The following NALF1 variants were observed in gnomAD, a reference collection of about 807,000 sequenced individuals.
The protein encoded by NALF1 is family with sequence similarity 155 member A.
NALF1 carries 3 observed loss-of-function variants against 48.4 expected under a neutral mutation model. The ratio of observed to expected loss-of-function variants is 0.06; its 90% CI spans 0.03 to 0.16. The LOEUF is 0.16. Ranked by LOEUF, NALF1 falls within the 10% of genes least tolerant of loss-of-function variation. NALF1 has a pLI of 1.00. For synonymous variants in NALF1, 262 were observed against 245.7 expected, an observed-to-expected ratio of 1.07 and a Z score of -0.62; for missense variants, 526 against 571.5, an observed-to-expected ratio of 0.92 and a Z score of 0.81.
intron 1 of NALF1, among the ~76,000 whole-genome samples, chr13:107,848,999 C>T (rs1307291582): frequency 1.3e-5 from 2 of 152,218 alleles, no homozygotes; most frequent in Non-Finnish European, 2.9e-5. Context: ...ACACTGTCCA[C>T]TTATCTATTG....
chr13:107,602,726 C>CT (rs1386087008), intron 1 of NALF1, among the ~76,000 whole-genome samples: 1 of 152,180 alleles, frequency 6.6e-6, no homozygotes, highest in East Asian at 1.9e-4. Context: ...TCCTTCGCGT[C>CT]TAACCCTGGA....
intron 1 of NALF1, among the ~76,000 whole-genome samples, chr13:107,595,417 C>T (rs1878716104): frequency 1.3e-5 from 2 of 152,130 alleles, no homozygotes; most frequent in Admixed American, 6.6e-5. Context: ...CTCATATGTT[C>T]TACTGATGGC....
intron 1 of NALF1, among the ~76,000 whole-genome samples, chr13:107,813,472 GT>G (rs1879060643): frequency 6.6e-6 from 1 of 152,202 alleles, no homozygotes; most frequent in Admixed American, 6.5e-5. Flanking sequence ...GCTCAAACTT[GT>G]TTTGTTTATT....
At chr13:107,781,801 G>A (rs1877895722) in intron 1 of NALF1, among the ~76,000 whole-genome samples, 1 of 152,036 alleles carries the variant, frequency 6.6e-6, no homozygotes, top group African/African-American at 2.4e-5. Context: ...TGTTGCTGTT[G>A]CCTGCATTGC....
At chr13:107,174,421 T>G (rs550701793) in intron 2 of NALF1, among the ~76,000 whole-genome samples, 1 of 151,778 alleles carries the variant, frequency 6.6e-6, no homozygotes, top group South Asian at 2.1e-4. Context: ...GGTGGTGCAA[T>G]CTCAGCTCAC....
chr13:107,465,628 C>A (rs940513948), intron 1 of NALF1, among the ~76,000 whole-genome samples: 28 of 152,290 alleles, frequency 1.8e-4, no homozygotes, highest in Non-Finnish European at 3.5e-4. Context: ...TCCTACTCCA[C>A]ACTGGCAATG....
chr13:107,529,066 C>T (rs1314704806), intron 1 of NALF1, among the ~76,000 whole-genome samples: 1 of 152,064 alleles, frequency 6.6e-6, no homozygotes, highest in African/African-American at 2.4e-5. Context: ...CTCTGTTTTC[C>T]CACGGCACCC....
intron 1 of NALF1, among the ~76,000 whole-genome samples, chr13:107,774,397 C>G (rs944102139): frequency 6.6e-6 from 1 of 152,124 alleles, no homozygotes; most frequent in Non-Finnish European, 1.5e-5. Flanking sequence ...GATTTTGTTA[C>G]GGGATTTCTT....
At chr13:107,219,823 G>A (rs11843697) in intron 1 of NALF1, among the ~76,000 whole-genome samples, 5,909 of 152,282 alleles carry the variant, frequency 0.039, 161 homozygotes, top group East Asian at 0.084. Context: ...AAAAGAGTCT[G>A]AAGAAAGTTA....
rs189206811 is a variant in NALF1 at position 107,167,805 on chromosome 13, G to C, written c.*2692C>G. ...TGTGTACCTCTTATGTAAAGCAATG[G>C]TGGTTTTAGTTTTCCACCTTTTGGT... On this transcript the variant is annotated 3_prime_UTR_variant, in exon 3 of 3. Transcript: ENST00000375915. 1 of 152,036 alleles carries C rather than the reference G, an allele frequency of 6.6e-6. No individual in the cohort carries two copies. Among genetic ancestry groups the C allele is most frequent in the South Asian group, 2.1e-4 (1 of 4,824 alleles). 9.4% of individuals were successfully genotyped at this position (152,036 alleles called of 1,614,324 possible). A position where few individuals can be genotyped will look rare whatever the true frequency, so the allele number is the denominator to read the frequency against.
intron 1 of NALF1, among the ~76,000 whole-genome samples, chr13:107,749,653 G>A (rs918147809): frequency 5.3e-5 from 8 of 151,846 alleles, no homozygotes; most frequent in Admixed American, 1.3e-4. Flanking sequence ...GTTGTTCATA[G>A]TATATCTTCA....
intron 1 of NALF1, among the ~76,000 whole-genome samples, chr13:107,663,812 T>G (rs1370126466): frequency 6.6e-6 from 1 of 152,176 alleles, no homozygotes; most frequent in Non-Finnish European, 1.5e-5. Flanking sequence ...CTTTCTTCAT[T>G]TGGCCTCCTG....
intron 1 of NALF1, among the ~76,000 whole-genome samples, chr13:107,304,424 C>T (rs1327297049): frequency 6.6e-6 from 1 of 152,206 alleles, no homozygotes; most frequent in African/African-American, 2.4e-5. Flanking sequence ...GCATCTCCAG[C>T]TTGCATTTTC....
chr13:107,483,430 T>C (rs911100660), intron 1 of NALF1, among the ~76,000 whole-genome samples: 1 of 152,184 alleles, frequency 6.6e-6, no homozygotes, highest in Non-Finnish European at 1.5e-5. Flanking sequence ...GAAATGTATG[T>C]TTGGTTTTCA....
chr13:107,631,038 C>CA (rs1253978579), intron 1 of NALF1, among the ~76,000 whole-genome samples: 1 of 151,978 alleles, frequency 6.6e-6, no homozygotes, highest in South Asian at 2.1e-4. Flanking sequence ...ACAGGGTTTC[C>CA]CTCTTTTGCC....
chr13:107,637,419 A>C (rs1266496917), intron 1 of NALF1, among the ~76,000 whole-genome samples: 1 of 152,144 alleles, frequency 6.6e-6, no homozygotes. Flanking sequence ...ATTTCAAGGT[A>C]CTTCCTTCCA....
intron 1 of NALF1, among the ~76,000 whole-genome samples, chr13:107,244,574 T>C (rs147463431): frequency 1.4e-3 from 206 of 152,354 alleles, no homozygotes; most frequent in African/African-American, 4.8e-3. Context: ...TTCTGTGATT[T>C]GCTTTTTGTA....
intron 1 of NALF1, among the ~76,000 whole-genome samples, chr13:107,301,433 T>C (rs1386353210): frequency 6.6e-6 from 1 of 152,222 alleles, no homozygotes; most frequent in Non-Finnish European, 1.5e-5. Flanking sequence ...CATAAAGTAG[T>C]AGCCTCCAAA....
At chr13:107,264,057 A>C (rs1880990119) in intron 1 of NALF1, among the ~76,000 whole-genome samples, 1 of 152,228 alleles carries the variant, frequency 6.6e-6, no homozygotes, top group Non-Finnish European at 1.5e-5. Context: ...AAATATTTTA[A>C]AAAGAAGAAT....
Sources: gnomAD v4.1 joint callset for allele counts (sites outside exome capture counted in the v4.1 genomes callset) on GRCh38, gnomAD v4.1.1 for gene constraint, MANE v1.5 for transcripts, NCBI Gene and HGNC (gene_info 2026-07-23, HGNC 2026-07-21) for gene names.